SEPTIN9: variants seen among roughly 807,000 people sequenced by gnomAD.
SEPTIN9 encodes septin-9.
In SEPTIN9, 13 loss-of-function variants were observed where a neutral mutation model predicts 56.6. The ratio of observed to expected loss-of-function variants is 0.23; its 90% CI spans 0.15 to 0.37. The LOEUF (loss-of-function observed/expected upper bound fraction) is 0.37, where lower values mean the gene tolerates loss of function less well. Ranked by LOEUF, SEPTIN9 falls within the 10% of genes least tolerant of loss-of-function variation. The pLI is 1.00. For missense variants in SEPTIN9, 650 were observed against 823.1 expected, an observed-to-expected ratio of 0.79 and a Z score of 2.57; for synonymous variants, 332 against 334.1, an observed-to-expected ratio of 0.99 and a Z score of 0.07.
chr17:77,491,532 G>C (rs67430905), intron 8 of SEPTIN9, among the ~76,000 whole-genome samples: 2 of 150,778 alleles, frequency 1.3e-5, no homozygotes, highest in South Asian at 4.2e-4. Context: ...GAGAAGCTGG[G>C]CCAGGTGTGG....
intron 2 of SEPTIN9, among the ~76,000 whole-genome samples, chr17:77,363,632 C>T (rs1254690040): frequency 6.6e-6 from 1 of 152,072 alleles, no homozygotes; most frequent in East Asian, 1.9e-4. Context: ...AGGTGATCCG[C>T]CCACCTTGGC....
In SEPTIN9 at chr17:77,475,894, G is replaced by A. The variant is rs1266193679; in HGVS notation, c.722-6250G>A. On this transcript the variant is annotated intron_variant, in intron 3 of 11. Coordinates refer to ENST00000427177, the MANE Select transcript of SEPTIN9 (RefSeq NM_001113491.2). The surrounding 1 kb of genome is among the most constrained non-coding windows in gnomAD (Gnocchi z 4.6). ...ATTCTGCTTGGCCACCATTGGCAGT[G>A]ACAGACAAGGTGTGTGGGGATGTGG... 2 of 1,610,744 alleles carry A rather than the reference G, an allele frequency of 1.2e-6. No homozygotes were observed. Among genetic ancestry groups the A allele is most frequent in the Non-Finnish European group, 1.7e-6 (2 of 1,177,906 alleles).
chr17:77,397,349 G>A (rs1427302894), intron 2 of SEPTIN9, among the ~76,000 whole-genome samples: 1 of 152,108 alleles, frequency 6.6e-6, no homozygotes, highest in East Asian at 1.9e-4. Flanking sequence ...TGTGTCCCAA[G>A]TCCCCTTCTG....
intron 3 of SEPTIN9, among the ~76,000 whole-genome samples, chr17:77,465,230 C>G (rs913486682): frequency 1.3e-5 from 2 of 152,240 alleles, no homozygotes; most frequent in Non-Finnish European, 2.9e-5. Flanking sequence ...CTGTGTATCT[C>G]TTCATCTGCT....
Position 77,500,180 on chromosome 17 carries a change from G to T in SEPTIN9, c.*1522G>T, listed in dbSNP as rs2040442601. Reference sequence around the variant, plus strand: ...AGAAGGAGTGTATGAGTGTGAGTGTGTGTGCATGGAAGTTGGGGCACTGGG... The same window carrying T: ...AGAAGGAGTGTATGAGTGTGAGTGTTTGTGCATGGAAGTTGGGGCACTGGG... On this transcript the variant is annotated 3_prime_UTR_variant, in exon 12 of 12. Coordinates refer to ENST00000427177, the MANE Select transcript of SEPTIN9 (RefSeq NM_001113491.2). The T allele has an allele frequency of 4.3e-6, 1 of 232,922 alleles. No homozygotes were observed. Among genetic ancestry groups the T allele is most frequent in the Non-Finnish European group, 8.5e-6 (1 of 117,696 alleles). The allele number at this position is 232,922 out of a possible 1,614,324, so 14.4% of individuals were successfully genotyped here.
At chr17:77,489,454 C>A (rs536561500) in intron 7 of SEPTIN9, among the ~76,000 whole-genome samples, 11 of 152,304 alleles carry the variant, frequency 7.2e-5, no homozygotes, top group African/African-American at 2.6e-4. Context: ...CCTCACGGAC[C>A]CTCTGTCCTC....
At chr17:77,343,003 G>GTCTATCTATCTATCTATCTATCTA (rs139340887) in intron 2 of SEPTIN9, among the ~76,000 whole-genome samples, 6 of 147,254 alleles carry the variant, frequency 4.1e-5, no homozygotes, top group South Asian at 4.4e-4. Flanking sequence ...CTGTCTGTCT[G>GTCTATCTATCTATCTATCTATCTA]TCTATCTATC....
intron 2 of SEPTIN9, among the ~76,000 whole-genome samples, chr17:77,347,394 G>T (rs1297869008): frequency 6.7e-6 from 1 of 149,032 alleles, no homozygotes; most frequent in Non-Finnish European, 1.5e-5. Context: ...AAAAAAAAAA[G>T]AGTCTCCACC....
chr17:77,319,926 G>C lies in SEPTIN9; in HGVS notation c.76+12729G>C. On this transcript the variant is annotated intron_variant, in intron 2 of 11. Coordinates refer to ENST00000427177, the MANE Select transcript of SEPTIN9 (RefSeq NM_001113491.2). This position sits in a 1 kb window ranked among gnomAD's most constrained non-coding sequence, Gnocchi z 5.3. ...GAGGAGGCTGCCGGAAGCCGCACTC[G>C]GGACCTCTGCAGCCACCGACCAGAC... 1.8e-6 allele frequency: 2 copies of C among 1,117,632 alleles called. No homozygotes were observed. Among genetic ancestry groups the C allele is most frequent in the Non-Finnish European group, 1.1e-6 (1 of 911,902 alleles). 69.2% of individuals were successfully genotyped at this position (1,117,632 alleles called of 1,614,324 possible). A position where few individuals can be genotyped will look rare whatever the true frequency, so the allele number is the denominator to read the frequency against.
At chr17:77,357,499 C>T (rs934439435) in intron 2 of SEPTIN9, among the ~76,000 whole-genome samples, 4 of 152,218 alleles carry the variant, frequency 2.6e-5, no homozygotes, top group Non-Finnish European at 4.4e-5. Flanking sequence ...ATCCCTCCTT[C>T]GCCTGGCCAT....
intron 2 of SEPTIN9, among the ~76,000 whole-genome samples, chr17:77,390,346 TAA>T (rs200348069): frequency 6.6e-5 from 6 of 90,346 alleles, no homozygotes; most frequent in African/African-American, 4.6e-5. Context: ...GACTCCGTCT[TAA>T]AAAAAAAAAA....
intron 2 of SEPTIN9, among the ~76,000 whole-genome samples, chr17:77,331,233 A>G (rs1421440776): frequency 2.6e-5 from 4 of 152,190 alleles, no homozygotes; most frequent in Non-Finnish European, 5.9e-5. Flanking sequence ...CTACAGCTTC[A>G]GAATGATTGA....
chr17:77,387,557 C>T (rs1226679677), intron 2 of SEPTIN9, among the ~76,000 whole-genome samples: 2 of 152,132 alleles, frequency 1.3e-5, no homozygotes, highest in African/African-American at 2.4e-5. Context: ...GCGGAGGGAA[C>T]GCTGCTGGGT....
At chr17:77,394,317 T>C (rs769592091) in intron 2 of SEPTIN9, among the ~76,000 whole-genome samples, 1 of 152,208 alleles carries the variant, frequency 6.6e-6, no homozygotes, top group Non-Finnish European at 1.5e-5. Context: ...TGGGGAGTTA[T>C]CTGCCAGGTG....
At chr17:77,415,089 G>T (rs2036450093) in intron 3 of SEPTIN9, among the ~76,000 whole-genome samples, 2 of 152,022 alleles carry the variant, frequency 1.3e-5, no homozygotes, top group African/African-American at 4.8e-5. Context: ...CCGCTGGTGA[G>T]TGTATTCTTT....
intron 2 of SEPTIN9, among the ~76,000 whole-genome samples, chr17:77,353,534 G>A (rs1329109810): frequency 6.6e-6 from 1 of 150,958 alleles, no homozygotes; most frequent in Non-Finnish European, 1.5e-5. Context: ...GGAGTGCATA[G>A]AAGGGACCTC....
chr17:77,346,278 CTTTTTTTTTTT>C (rs577131369), intron 2 of SEPTIN9, among the ~76,000 whole-genome samples: 18 of 46,318 alleles, frequency 3.9e-4, no homozygotes, highest in East Asian at 2.6e-3. Flanking sequence ...ATCCTTAGGT[CTTTTTTTTTTT>C]TTTTTTTTTT....
At chr17:77,480,180 A>G (rs573261484) in intron 3 of SEPTIN9, among the ~76,000 whole-genome samples, 1 of 152,228 alleles carries the variant, frequency 6.6e-6, no homozygotes, top group Non-Finnish European at 1.5e-5. Flanking sequence ...ATTTCCCAAC[A>G]AGGAATTATA....
chr17:77,328,101 G>A (rs2033214759), intron 2 of SEPTIN9, among the ~76,000 whole-genome samples: 1 of 146,930 alleles, frequency 6.8e-6, no homozygotes. Context: ...CATGCCCAGG[G>A]TGTCCCCGTA....
Sources: gnomAD v4.1 joint callset for allele counts (sites outside exome capture counted in the v4.1 genomes callset) on GRCh38, gnomAD v4.1.1 for gene constraint, Gnocchi (gnomAD v3.1) non-coding constraint, MANE v1.5 for transcripts, NCBI Gene and HGNC (gene_info 2026-07-23, HGNC 2026-07-21) for gene names.